PACRG: variants seen among roughly 807,000 people sequenced by gnomAD.
PACRG encodes parkin coregulated gene protein.
Under a neutral mutation model 29.7 loss-of-function variants are expected in PACRG, and 29 were observed. The observed-to-expected ratio is 0.98, with a 90% confidence interval of 0.73 to 1.33. The LOEUF is 1.33. Among genes scored for constraint, PACRG ranks in the 40% most tolerant of loss-of-function variants. The pLI is 0.00. For synonymous variants in PACRG, 116 were observed against 118.7 expected, an observed-to-expected ratio of 0.98 and a Z score of 0.15; for missense variants, 279 against 316.2, an observed-to-expected ratio of 0.88 and a Z score of 0.89.
At chr6:163,043,869 G>A (rs1809026618) in intron 2 of PACRG, among the ~76,000 whole-genome samples, 1 of 152,162 alleles carries the variant, frequency 6.6e-6, no homozygotes, top group African/African-American at 2.4e-5. Flanking sequence ...AGTTTATGAG[G>A]CCTCTAAGTG....
At chr6:162,978,846 A>G (rs1584924315) in intron 2 of PACRG, among the ~76,000 whole-genome samples, 1 of 152,304 alleles carries the variant, frequency 6.6e-6, no homozygotes, top group South Asian at 2.1e-4. Context: ...GAACTAAGCA[A>G]TTTCCTCTAG....
At chr6:163,206,953 T>C (rs1435351867) in intron 4 of PACRG, among the ~76,000 whole-genome samples, 3 of 152,244 alleles carry the variant, frequency 2.0e-5, no homozygotes, top group Admixed American at 6.5e-5. Flanking sequence ...CTTCATTTTT[T>C]TTCTTTTACC....
intron 2 of PACRG, among the ~76,000 whole-genome samples, chr6:163,003,664 A>G (rs1804782411): frequency 6.6e-6 from 1 of 152,136 alleles, no homozygotes; most frequent in African/African-American, 2.4e-5. Context: ...TGGCTTATCA[A>G]CAGCTGGAGG....
At chr6:162,826,545 C>T (rs374174858) in intron 2 of PACRG, among the ~76,000 whole-genome samples, 280 of 150,786 alleles carry the variant, frequency 1.9e-3, no homozygotes, top group African/African-American at 6.4e-3. Context: ...CTCATCGCAA[C>T]CTCTATCACC....
chr6:163,249,472 A>T (rs1245480315), intron 4 of PACRG, among the ~76,000 whole-genome samples: 1 of 152,224 alleles, frequency 6.6e-6, no homozygotes, highest in Non-Finnish European at 1.5e-5. Context: ...ACCTTAAGTT[A>T]TGAATATGAC....
chr6:163,101,771 G>GTCT (rs780933795), intron 4 of PACRG, among the ~76,000 whole-genome samples: 92 of 152,244 alleles, frequency 6.0e-4, no homozygotes, highest in South Asian at 1.0e-3. Context: ...TGCTCTCACC[G>GTCT]TAAGCCTGGT....
At chr6:163,006,059 CA>C (rs1413660648) in intron 2 of PACRG, among the ~76,000 whole-genome samples, 1 of 141,290 alleles carries the variant, frequency 7.1e-6, no homozygotes, top group Admixed American at 7.3e-5. Flanking sequence ...CTATGTATAA[CA>C]TATATATAAC....
chr6:163,300,871 C>T (rs1051891561), intron 4 of PACRG, among the ~76,000 whole-genome samples: 4 of 151,764 alleles, frequency 2.6e-5, no homozygotes, highest in Non-Finnish European at 5.9e-5. Flanking sequence ...ACGTCCACTG[C>T]TTCCCATGAG....
chr6:163,207,446 C>T (rs1780952463), intron 4 of PACRG, among the ~76,000 whole-genome samples: 1 of 152,172 alleles, frequency 6.6e-6, no homozygotes, highest in Non-Finnish European at 1.5e-5. Context: ...TCAAGAAATA[C>T]TGAAATCGAT....
intron 2 of PACRG, among the ~76,000 whole-genome samples, chr6:162,838,128 A>G (rs1312573852): frequency 1.3e-5 from 2 of 152,154 alleles, no homozygotes; most frequent in Non-Finnish European, 2.9e-5. Context: ...ATTATTACAT[A>G]TCATTTTATA....
At chr6:162,830,484 G>A (rs949695243) in intron 2 of PACRG, among the ~76,000 whole-genome samples, 2 of 152,144 alleles carry the variant, frequency 1.3e-5, no homozygotes, top group African/African-American at 4.8e-5. Context: ...GCTGTGCTCC[G>A]ATATATCAAA....
rs139858288 is a variant in PACRG at position 163,305,779 on chromosome 6, A to C, written c.614-9048A>C. 2.9e-3 allele frequency among the ~76,000 whole-genome samples: 441 copies of C among 152,244 alleles called. 2 individuals are homozygous for C. Among genetic ancestry groups the C allele is most frequent in the African/African-American group, 0.01 (429 of 41,548 alleles). ...AATAGTCTATGTCATAAAAAGTGAT[A>C]TTTTTTATCATAGCAATTGACTATC... is the stretch of plus-strand genomic sequence containing the variant. On this transcript the variant is annotated intron_variant, in intron 4 of 4. Transcript: ENST00000366888.
chr6:162,728,497 T>C, intron 1 of PACRG, 106 bp downstream of exon 1: 1 of 1,401,406 alleles, frequency 7.1e-7, no homozygotes, highest in Non-Finnish European at 9.6e-7. Flanking sequence ...TCCTGGGTGG[T>C]CTTTGCCAAA....
intron 2 of PACRG, chr6:163,042,517 G>A (rs1388418899): frequency 6.6e-6 from 1 of 152,130 alleles, no homozygotes; most frequent in Non-Finnish European, 1.5e-5. Flanking sequence ...ATACTAAGAA[G>A]TTCAGTCTTT....
chr6:163,019,593 C>T (rs1308562981), intron 2 of PACRG, among the ~76,000 whole-genome samples: 1 of 152,102 alleles, frequency 6.6e-6, no homozygotes, highest in African/African-American at 2.4e-5. Flanking sequence ...CTGTTGGTGA[C>T]GTTCCCATTC....
chr6:162,889,525 T>G (rs1162146706), intron 2 of PACRG, among the ~76,000 whole-genome samples: 1 of 152,236 alleles, frequency 6.6e-6, no homozygotes, highest in East Asian at 1.9e-4. Context: ...ACTGTCTAAA[T>G]CAGCCTTGTC....
intron 1 of PACRG, among the ~76,000 whole-genome samples, chr6:162,774,574 C>T (rs1206250923): frequency 1.3e-5 from 2 of 152,154 alleles, no homozygotes; most frequent in African/African-American, 4.8e-5. Flanking sequence ...ATTCTATTAA[C>T]AAGATAATCA....
At chr6:163,156,198 G>T (rs911279578) in intron 4 of PACRG, among the ~76,000 whole-genome samples, 1 of 152,160 alleles carries the variant, frequency 6.6e-6, no homozygotes, top group Non-Finnish European at 1.5e-5. Context: ...TTCAGCCACC[G>T]CCTTTAAGCT....
At chr6:163,000,367 C>G (rs1584975565) in intron 2 of PACRG, among the ~76,000 whole-genome samples, 1 of 152,156 alleles carries the variant, frequency 6.6e-6, no homozygotes, top group East Asian at 1.9e-4. Context: ...CCTCTGAGAA[C>G]ACTGTTGGAG....
Sources: gnomAD v4.1 joint callset for allele counts (sites outside exome capture counted in the v4.1 genomes callset) on GRCh38, gnomAD v4.1.1 for gene constraint, MANE v1.5 for transcripts, NCBI Gene and HGNC (gene_info 2026-07-23, HGNC 2026-07-21) for gene names.